The following PLCB1 variants were observed in gnomAD, a reference collection of about 807,000 sequenced individuals.
PLCB1 encodes phospholipase C beta 1, also known as 1-phosphatidylinositol 4,5-bisphosphate phosphodiesterase beta-1.
Under a neutral mutation model 161.8 loss-of-function variants are expected in PLCB1, and 46 were observed. The ratio of observed to expected loss-of-function variants is 0.28; its 90% CI spans 0.22 to 0.36. The LOEUF (loss-of-function observed/expected upper bound fraction) is 0.36. Ranked by LOEUF, PLCB1 falls within the 10% of genes least tolerant of loss-of-function variation. PLCB1 has a pLI of 1.00. For missense variants in PLCB1, 1,016 were observed against 1,472.5 expected, an observed-to-expected ratio of 0.69 and a Z score of 5.07; for synonymous variants, 517 against 503.7, an observed-to-expected ratio of 1.03 and a Z score of -0.35.
intron 3 of PLCB1, among the ~76,000 whole-genome samples, chr20:8,392,692 AG>A (rs1171021865): frequency 2.0e-5 from 3 of 152,212 alleles, no homozygotes; most frequent in African/African-American, 2.4e-5. Flanking sequence ...TTTGTGAGTA[AG>A]TTGGGTAGAG....
intron 9 of PLCB1, among the ~76,000 whole-genome samples, chr20:8,659,548 A>C (rs1989565087): frequency 6.6e-6 from 1 of 152,194 alleles, no homozygotes; most frequent in African/African-American, 2.4e-5. Flanking sequence ...ATTATATATT[A>C]ATATGCAGGC....
chr20:8,660,549 C>T (rs562102373), intron 9 of PLCB1, among the ~76,000 whole-genome samples: 20 of 152,174 alleles, frequency 1.3e-4, no homozygotes, highest in Non-Finnish European at 2.9e-4. Flanking sequence ...AGCTGGTATC[C>T]AATGCCTCCA....
chr20:8,822,153 C>A (rs144933105), intron 31 of PLCB1, among the ~76,000 whole-genome samples: 1 of 152,224 alleles, frequency 6.6e-6, no homozygotes, highest in East Asian at 1.9e-4. Context: ...TTTCTCCAAG[C>A]ACCTGGCATA....
At chr20:8,434,913 G>A (rs1407345487) in intron 3 of PLCB1, among the ~76,000 whole-genome samples, 3 of 152,186 alleles carry the variant, frequency 2.0e-5, no homozygotes, top group African/African-American at 4.8e-5. Context: ...ACTCCAAAGT[G>A]TACACACTTT....
At chr20:8,739,618 G>A (rs1465362069) in intron 21 of PLCB1, among the ~76,000 whole-genome samples, 2 of 152,202 alleles carry the variant, frequency 1.3e-5, no homozygotes, top group East Asian at 1.9e-4. Context: ...TCATAGGTCT[G>A]TGGGTTGGCC....
intron 2 of PLCB1, among the ~76,000 whole-genome samples, chr20:8,292,263 G>T (rs905919378): frequency 1.3e-5 from 2 of 152,028 alleles, no homozygotes; most frequent in African/African-American, 4.8e-5. Flanking sequence ...TGCCTGCAAA[G>T]TTGATTCCTT....
In PLCB1 at chr20:8,701,186, GAA is replaced by G. The variant is rs947745325; in HGVS notation, c.1167+3405_1167+3406del. On this transcript the variant is annotated intron_variant, in intron 11 of 31. Coordinates refer to ENST00000338037, the MANE Select transcript of PLCB1 (RefSeq NM_015192.4). The stretch of plus-strand genomic sequence containing the variant: ...AGCGTGTAAAGTGACTTTGTAATAA[GAA>G]AGAGTAAGAAGAGAAACAGGGCACA... Among the ~76,000 whole-genome samples the G allele has an allele frequency of 2.9e-3, 448 of 152,236 alleles. 2 individuals are homozygous for G. Among genetic ancestry groups the G allele is most frequent in the African/African-American group, 9.9e-3 (411 of 41,538 alleles).
At chr20:8,567,606 A>T (rs1986378317) in intron 3 of PLCB1, among the ~76,000 whole-genome samples, 1 of 152,148 alleles carries the variant, frequency 6.6e-6, no homozygotes, top group East Asian at 1.9e-4. Context: ...CATGCATCAG[A>T]AACTTTAATT....
chr20:8,757,165 C>A lies in PLCB1; in HGVS notation c.2643C>A (p.Ser881Arg). 6.2e-7 allele frequency: 1 copy of A among 1,610,424 alleles called. No individual in the cohort carries two copies. Among genetic ancestry groups the A allele is most frequent in the South Asian group, 1.1e-5 (1 of 90,534 alleles). The change falls in exon 24 of 32, where the codon AGC (serine) becomes AGA (arginine). Residue 881 changes from serine to arginine, a missense_variant. Transcript: ENST00000338037. Reference protein sequence around the residue: ...TPKPPSQALHSQPAPGSVKAP... With the variant: ...TPKPPSQALHRQPAPGSVKAP... The stretch of plus-strand genomic sequence containing the variant: ...AGCCACCCTCCCAGGCTCTCCACAG[C>A]CAGCCAGCTCCAGGTAAGCCATCTG...
intron 31 of PLCB1, among the ~76,000 whole-genome samples, chr20:8,872,946 G>A (rs1341495231): frequency 6.6e-6 from 1 of 152,020 alleles, no homozygotes; most frequent in East Asian, 1.9e-4. Flanking sequence ...TTATTTCTGC[G>A]ACTTAAGGAT....
chr20:8,799,764 G>T (rs1372420192), intron 31 of PLCB1, among the ~76,000 whole-genome samples: 1 of 152,150 alleles, frequency 6.6e-6, no homozygotes. Context: ...CAAATCCACA[G>T]ATGCTCAGGT....
intron 5 of PLCB1, among the ~76,000 whole-genome samples, chr20:8,647,631 A>T (rs1989202907): frequency 6.6e-6 from 1 of 152,226 alleles, no homozygotes; most frequent in Non-Finnish European, 1.5e-5. Context: ...CCTTCATGTA[A>T]GGTGCAAAAA....
intron 9 of PLCB1, among the ~76,000 whole-genome samples, chr20:8,674,958 T>G (rs1990038382): frequency 6.6e-6 from 1 of 152,172 alleles, no homozygotes; most frequent in Admixed American, 6.5e-5. Flanking sequence ...CACCTTAGAA[T>G]TTAGTTCTAG....
Position 8,411,465 on chromosome 20 carries a change from G to A in PLCB1, c.246+40015G>A, listed in dbSNP as rs115444940. Among the ~76,000 whole-genome samples, 637 of 152,142 alleles carry A rather than the reference G, an allele frequency of 4.2e-3. 7 individuals are homozygous for A. Among genetic ancestry groups the A allele is most frequent in the African/African-American group, 0.014 (592 of 41,492 alleles). Reference sequence around the variant, plus strand: ...TAAACAAGAGTGGGAACATTTAGAGGTCTGTCTATAAGAATTACAGCCTAA... The same window carrying A: ...TAAACAAGAGTGGGAACATTTAGAGATCTGTCTATAAGAATTACAGCCTAA... On this transcript the variant is annotated intron_variant, in intron 3 of 31. Coordinates refer to ENST00000338037, the MANE Select transcript of PLCB1 (RefSeq NM_015192.4).
At chr20:8,863,211 A>T (rs1250598877) in intron 31 of PLCB1, among the ~76,000 whole-genome samples, 8 of 152,194 alleles carry the variant, frequency 5.3e-5, no homozygotes, top group Non-Finnish European at 1.0e-4. Context: ...TTCAAATTGG[A>T]TGAGAAGTTC....
chr20:8,415,775 A>G (rs1979243740), intron 3 of PLCB1, among the ~76,000 whole-genome samples: 1 of 152,198 alleles, frequency 6.6e-6, no homozygotes, highest in South Asian at 2.1e-4. Flanking sequence ...TGCTTATGTA[A>G]TGGGATCCTA....
intron 2 of PLCB1, among the ~76,000 whole-genome samples, chr20:8,349,015 C>G (rs1986088538): frequency 6.6e-6 from 1 of 151,950 alleles, no homozygotes; most frequent in Non-Finnish European, 1.5e-5. Flanking sequence ...TATGTATATA[C>G]ACACATACAT....
At chr20:8,407,061 T>A (rs1978816202) in intron 3 of PLCB1, among the ~76,000 whole-genome samples, 1 of 152,220 alleles carries the variant, frequency 6.6e-6, no homozygotes, top group Non-Finnish European at 1.5e-5. Flanking sequence ...CTCCTGATAT[T>A]TTAACTGTTA....
intron 2 of PLCB1, among the ~76,000 whole-genome samples, chr20:8,222,983 G>C (rs527338531): frequency 6.6e-6 from 1 of 152,146 alleles, no homozygotes; most frequent in Admixed American, 6.6e-5. Context: ...TATGTCCATA[G>C]GTCTACTGCC....
Sources: gnomAD v4.1 joint callset for allele counts (sites outside exome capture counted in the v4.1 genomes callset) on GRCh38, gnomAD v4.1.1 for gene constraint, MANE v1.5 for transcripts, NCBI Gene and HGNC (gene_info 2026-07-23, HGNC 2026-07-21) for gene names.